Variants in PDCD2 observed in about 807,000 individuals in gnomAD.
PDCD2 encodes the protein programmed cell death 2.
Under a neutral mutation model 38.1 loss-of-function variants are expected in PDCD2, and 38 were observed. That is an observed-to-expected ratio of 1.00 (90% CI 0.77 to 1.31). The LOEUF (loss-of-function observed/expected upper bound fraction) is 1.31, where lower values mean the gene tolerates loss of function less well. Ranked by LOEUF, PDCD2 falls within the 50% of genes most tolerant of loss-of-function variation. The probability of loss-of-function intolerance (pLI) is 0.00; values close to 1 mark genes in which losing one functional copy is unlikely to be tolerated. For missense variants in PDCD2, 473 were observed against 435.7 expected (o/e 1.09, Z -0.76); for synonymous variants, 205 against 168.9 (o/e 1.21, Z -1.66).
intron 5 of PDCD2, among the ~76,000 whole-genome samples, chr6:170,578,016 T>C (rs1282237589): frequency 6.6e-6 from 1 of 152,214 alleles, no homozygotes; most frequent in African/African-American, 2.4e-5. Flanking sequence ...TGGGCAACTT[T>C]TACTTTGTAT....
intron 3 of PDCD2, among the ~76,000 whole-genome samples, chr6:170,580,837 T>C (rs1374898771): frequency 6.6e-6 from 1 of 152,222 alleles, no homozygotes; most frequent in Non-Finnish European, 1.5e-5. Flanking sequence ...TAATGTACGT[T>C]AAAATAGAAC....
rs903123987 is a variant in PDCD2, at chr6:170,579,846, T to C, written c.762+156A>G. 1.6e-5 allele frequency: 9 copies of C among 579,168 alleles called. No homozygotes were observed. The Admixed American group carries it at 2.7e-4, about 17-fold the overall frequency. 35.9% of individuals were successfully genotyped at this position (579,168 alleles called of 1,614,324 possible). On this transcript the variant is annotated intron_variant, in intron 4 of 5. Transcript: ENST00000541970. ...GCAAAACACCTTTCTACATGGCCCA[T>C]CTGTGTGAGGAACTCCTCTAACAAG... is the stretch of plus-strand genomic sequence containing the variant.
intron 1 of PDCD2, chr6:170,584,055 C>G (rs1436769833): frequency 4.0e-6 from 2 of 503,882 alleles, no homozygotes; most frequent in Non-Finnish European, 6.9e-6. Flanking sequence ...AACACCATAC[C>G]TGGTACCCAC....
intron 4 of PDCD2, 26 bp downstream of exon 4, chr6:170,579,976 A>G (rs1231454599): frequency 3.6e-6 from 4 of 1,119,994 alleles, no homozygotes; most frequent in Non-Finnish European, 5.5e-6. Flanking sequence ...AGAGAACACG[A>G]TGAGGAGCTA....
Position 170,583,185 on chromosome 6 carries a change from T to C in PDCD2, c.530A>G (p.His177Arg). The C allele has an allele frequency of 6.3e-7, 1 of 1,593,300 alleles. No individual in the cohort carries two copies. The highest frequency in any genetic ancestry group is 1.1e-5 in the South Asian group (1 of 89,050). Residue 177 changes from histidine (H) to arginine (R), a missense_variant, in exon 3 of 6, where the codon CAT becomes CGT. Transcript: ENST00000541970. ...GHKQACAQPD[H>R]LDHIIPDHNF... Reference sequence around the variant, plus strand: ...GTGGTCTGGAATTATATGGTCCAGATGATCTGAAACAAAAAGGACAGCACT... The same window carrying C: ...GTGGTCTGGAATTATATGGTCCAGACGATCTGAAACAAAAAGGACAGCACT...
chr6:170,584,566 C>CAG lies in PDCD2; in HGVS notation c.15_16insCT (p.Ala6LeufsTer137). ...GCGAAGCCCAGCTCCACAGGCCTGG[C>CAG]CCCGGCGGCAGCCATGCGGGGCGCG... On this transcript the variant is annotated frameshift_variant, in exon 1 of 6. Transcript: ENST00000541970. LOFTEE classifies it high-confidence loss of function. 1 of 1,286,254 alleles carries CAG rather than the reference C, an allele frequency of 7.8e-7. No homozygotes were observed. The highest frequency in any genetic ancestry group is 9.8e-7 in the Non-Finnish European group (1 of 1,020,016). 79.7% of individuals were successfully genotyped at this position (1,286,254 alleles called of 1,614,324 possible). A position where few individuals can be genotyped will look rare whatever the true frequency, so the allele number is the denominator to read the frequency against.
chr6:170,580,185 C>G, intron 3 of PDCD2, 80 bp from the exon 4 acceptor site: 5 of 759,762 alleles, frequency 6.6e-6, no homozygotes, highest in Non-Finnish European at 1.1e-5. Context: ...AGGGGACCCA[C>G]TTTTAATCAG....
At chr6:170,579,901 A>T in intron 4 of PDCD2, 101 bp downstream of exon 4, 1 of 698,156 alleles carries the variant, frequency 1.4e-6, no homozygotes, top group South Asian at 1.7e-5. Context: ...ATAGGCTCCT[A>T]AGGAACAGAC....
Position 170,584,529 on chromosome 6 carries a change from G to T in PDCD2, c.53C>A (p.Pro18Gln). The T allele has an allele frequency of 7.3e-7, 1 of 1,364,640 alleles. No homozygotes were observed. The highest frequency in any genetic ancestry group is 1.7e-5 in the South Asian group (1 of 57,658). 84.5% of individuals were successfully genotyped at this position (1,364,640 alleles called of 1,614,324 possible). The change falls in exon 1 of 6, where the codon CCG (proline) becomes CAG (glutamine). Residue 18 changes from proline (P) to glutamine (Q), a missense_variant. By Grantham distance (76) the Pro-to-Gln change is moderately conservative. Coordinates refer to ENST00000541970, the MANE Select transcript of PDCD2 (RefSeq NM_002598.4). ...PVELGFAESA[P>Q]AWRLRSEQFP... ...CTGCTCGCTGCGCAGTCGCCACGCC[G>T]GCGCCGACTCGGCGAAGCCCAGCTC... is the stretch of plus-strand genomic sequence containing the variant.
chr6:170,582,841 C>A (rs1484011272), intron 3 of PDCD2: 2 of 1,350,654 alleles, frequency 1.5e-6, no homozygotes, highest in Non-Finnish European at 1.9e-6. Flanking sequence ...CATCTGGATA[C>A]CCACCCTTGT....
chr6:170,583,939 GT>G, intron 1 of PDCD2, 192 bp from the exon 2 acceptor site: 1 of 595,314 alleles, frequency 1.7e-6, no homozygotes, highest in Non-Finnish European at 2.9e-6. Flanking sequence ...CCTAGAGGTG[GT>G]TTGAGTTAAT....
intron 1 of PDCD2, 169 bp downstream of exon 1, chr6:170,584,130 G>GC: frequency 1.4e-6 from 1 of 698,234 alleles, no homozygotes; most frequent in Non-Finnish European, 2.1e-6. Context: ...GCAAAAATGA[G>GC]CACATCCTGG....
chr6:170,584,143 G>A lies in PDCD2; in HGVS notation c.283+156C>T, dbSNP rs184708716. ...TAGCAAAAATGAGCACATCCTGGAA[G>A]GGCCCGGGAGAAGGTGCTCCTGGGG... On this transcript the variant is annotated intron_variant, in intron 1 of 5. Transcript: ENST00000541970. 12 of 792,864 alleles carry A rather than the reference G, an allele frequency of 1.5e-5. No individual in the cohort carries two copies. In the African/African-American group the frequency reaches 2.2e-4, roughly 14 times the overall value. The allele number at this position is 792,864 out of a possible 1,614,324, so 49.1% of individuals were successfully genotyped here. A position where few individuals can be genotyped will look rare whatever the true frequency, so the allele number is the denominator to read the frequency against.
Position 170,578,802 on chromosome 6 carries a change from G to A in PDCD2, c.876+55C>T, listed in dbSNP as rs145763860. 2.4e-4 allele frequency: 266 copies of A among 1,130,944 alleles called. 1 individual carries two copies. The African/African-American group carries it at 3.4e-3, about 14-fold the overall frequency. The allele number at this position is 1,130,944 out of a possible 1,614,324, so 70.1% of individuals were successfully genotyped here. A position where few individuals can be genotyped will look rare whatever the true frequency, so the allele number is the denominator to read the frequency against. On this transcript the variant is annotated intron_variant, in intron 5 of 5. Transcript: ENST00000541970. ...AAATTACCTTGGTGAAGTTTTTAAT[G>A]TTTAAAAACAATCATGGTGATTACA... is the stretch of plus-strand genomic sequence containing the variant.
rs117413937 is a variant in PDCD2, at chr6:170,584,319, G to A, written c.263C>T (p.Pro88Leu). 5.1e-4 allele frequency: 760 copies of A among 1,495,044 alleles called. 4 individuals are homozygous for A. In the East Asian group the frequency reaches 0.012, roughly 23 times the overall value. 92.6% of individuals were successfully genotyped at this position (1,495,044 alleles called of 1,614,324 possible). ...CIFLFCCREQ[P>L]CCAGLRVFRN... is the part of the protein sequence containing the mutation. Reference sequence around the variant, plus strand: ...CTCACCTCGCAGGCCGGCACAGCACGGCTGCTCGCGGCAGCAGAAGAGGAA... The same window carrying A: ...CTCACCTCGCAGGCCGGCACAGCACAGCTGCTCGCGGCAGCAGAAGAGGAA... The change falls in exon 1 of 6, where the codon CCG becomes CTG. Residue 88 changes from proline (P) to leucine (L), a missense_variant. Transcript: ENST00000541970.
intron 2 of PDCD2, 105 bp downstream of exon 2, chr6:170,583,400 A>G (rs74322750): frequency 1.4e-5 from 17 of 1,207,118 alleles, no homozygotes; most frequent in Non-Finnish European, 1.6e-5. Context: ...GAAAAATTTT[A>G]AAGTACTATA....
intron 3 of PDCD2, among the ~76,000 whole-genome samples, chr6:170,580,570 C>A (rs935597113): frequency 3.9e-5 from 6 of 152,108 alleles, no homozygotes; most frequent in African/African-American, 1.2e-4. Flanking sequence ...TAAAAATTAG[C>A]CAGACGTGGT....
chr6:170,578,816 A>G (rs1779517217), intron 5 of PDCD2, 41 bp downstream of exon 5: 1 of 1,217,030 alleles, frequency 8.2e-7, no homozygotes, highest in African/African-American at 1.5e-5. Context: ...AAAAACAATC[A>G]TGGTGATTAC....
chr6:170,584,356 G>A lies in PDCD2; in HGVS notation c.226C>T (p.His76Tyr), dbSNP rs1252833014. Residue 76 changes from histidine to tyrosine, a missense_variant, in exon 1 of 6, where the codon CAC becomes TAC. By Grantham distance (83) the His-to-Tyr change is moderately conservative. Coordinates refer to ENST00000541970, the MANE Select transcript of PDCD2 (RefSeq NM_002598.4). The stretch of plus-strand genomic sequence containing the variant: ...CAGCAGAAGAGGAAGATGCAGCGGT[G>A]GAAGGCGTCCGGGCGGCCAGGCAGC... The part of the protein sequence containing the change: ...APLPGRPDAF[H>Y]RCIFLFCCRE... 2 of 1,497,158 alleles carry A rather than the reference G, an allele frequency of 1.3e-6. No individual in the cohort carries two copies. Among genetic ancestry groups the A allele is most frequent in the Non-Finnish European group, 8.9e-7 (1 of 1,128,832 alleles). 92.7% of individuals were successfully genotyped at this position (1,497,158 alleles called of 1,614,324 possible). A position where few individuals can be genotyped will look rare whatever the true frequency, so the allele number is the denominator to read the frequency against.
Sources: allele counts gnomAD v4.1 joint callset (sites outside exome capture counted in the v4.1 genomes callset), GRCh38; gene constraint gnomAD v4.1.1; transcripts MANE v1.5; gene names NCBI Gene and HGNC (gene_info 2026-07-23, HGNC 2026-07-21).